RBFOX3: variants seen among roughly 807,000 people sequenced by gnomAD.
RBFOX3 encodes the protein RNA binding protein fox-1 homolog 3.
RBFOX3 carries 17 observed loss-of-function variants against 48.7 expected under a neutral mutation model. The ratio of observed to expected loss-of-function variants is 0.35; its 90% confidence interval spans 0.24 to 0.52. The LOEUF (loss-of-function observed/expected upper bound fraction) is 0.52, where lower values mean the gene tolerates loss of function less well. RBFOX3 is among the 20% of genes least tolerant of loss of function. RBFOX3 has a pLI of 0.94. For missense variants in RBFOX3, 382 were observed against 497.5 expected (o/e 0.77, Z 2.21); for synonymous variants, 212 against 209.5 (o/e 1.01, Z -0.10).
chr17:79,146,271 A>G (rs2043020872), intron 4 of RBFOX3, among the ~76,000 whole-genome samples: 1 of 152,182 alleles, frequency 6.6e-6, no homozygotes, highest in African/African-American at 2.4e-5. Flanking sequence ...CAGGGAGGCC[A>G]GAGATGCTGC....
At chr17:79,369,101 G>A (rs922817772) in intron 2 of RBFOX3, among the ~76,000 whole-genome samples, 1 of 152,166 alleles carries the variant, frequency 6.6e-6, no homozygotes, top group African/African-American at 2.4e-5. Flanking sequence ...CATCTGCTCT[G>A]AGCTGTCTCA....
chr17:79,398,824 C>T (rs1299591688), intron 2 of RBFOX3, among the ~76,000 whole-genome samples: 1 of 152,164 alleles, frequency 6.6e-6, no homozygotes, highest in Admixed American at 6.5e-5. Flanking sequence ...GCCCACCCAA[C>T]ACACACAGTG....
At chr17:79,542,676 C>T (rs970827234) in intron 1 of RBFOX3, among the ~76,000 whole-genome samples, 2 of 152,130 alleles carry the variant, frequency 1.3e-5, no homozygotes, top group African/African-American at 4.8e-5. Flanking sequence ...TCCAGCTACT[C>T]GGAGGCTGAG....
At chr17:79,143,239 C>T (rs887128542) in intron 4 of RBFOX3, among the ~76,000 whole-genome samples, 12 of 152,136 alleles carry the variant, frequency 7.9e-5, no homozygotes, top group Admixed American at 2.6e-4. Context: ...GCCAGCTCGC[C>T]CGAGTCCACC....
intron 4 of RBFOX3, among the ~76,000 whole-genome samples, chr17:79,131,344 C>T (rs564368145): frequency 8.5e-5 from 13 of 152,362 alleles, no homozygotes; most frequent in East Asian, 7.7e-4. Context: ...AGCGCTAGAG[C>T]GTCTGTGCTT....
chr17:79,173,578 G>A (rs1344902736), intron 4 of RBFOX3, among the ~76,000 whole-genome samples: 12 of 152,088 alleles, frequency 7.9e-5, no homozygotes, highest in Non-Finnish European at 1.5e-4. Context: ...TGATCTTCCC[G>A]GTCAACCTTC....
At position 79,592,497 on chromosome 17, in the gene RBFOX3, GT is replaced by G. The variant is rs1286127711; in HGVS notation, c.-320+18328del. Among the ~76,000 whole-genome samples, 5 of 152,176 alleles carry G rather than the reference GT, an allele frequency of 3.3e-5. No homozygotes were observed. In the South Asian group the frequency reaches 1.0e-3, roughly 32 times the overall value. On this transcript the variant is annotated intron_variant, in intron 1 of 14. Transcript: ENST00000693108. ...GTGCATGTGTACGTGCGTTTATGCA[GT>G]GTTATTGAACAGGTCACCCTGTGGG...
At position 79,491,360 on chromosome 17, in the gene RBFOX3, A is replaced by G. The variant is rs947556246; in HGVS notation, c.-319-8762T>C. ...GAACACCATGCCAAGGACTTTAAAA[A>G]GCCATTTGAGGAATTTTAAGTAGGA... On this transcript the variant is annotated intron_variant, in intron 1 of 14. Transcript: ENST00000693108. 1.1e-4 allele frequency among the ~76,000 whole-genome samples: 17 copies of G among 152,116 alleles called. No homozygotes were observed. The South Asian group carries it at 3.5e-3, about 32-fold the overall frequency.
At chr17:79,525,869 A>G (rs2086728943) in intron 1 of RBFOX3, among the ~76,000 whole-genome samples, 1 of 152,248 alleles carries the variant, frequency 6.6e-6, no homozygotes, top group Middle Eastern at 3.2e-3. Flanking sequence ...TCCCCCAGCC[A>G]GGATGGGAAT....
intron 2 of RBFOX3, among the ~76,000 whole-genome samples, chr17:79,323,603 C>A (rs1185492131): frequency 6.6e-6 from 1 of 152,252 alleles, no homozygotes; most frequent in Non-Finnish European, 1.5e-5. Flanking sequence ...GCCCACCCAG[C>A]TGGACCTCCT....
In RBFOX3 at chr17:79,229,620, C is replaced by G. The variant is rs374466700; in HGVS notation, c.-34+6146G>C. Among the ~76,000 whole-genome samples the G allele has an allele frequency of 7.6e-4, 115 of 151,034 alleles. No homozygotes were observed. In the South Asian group the frequency reaches 0.018, roughly 24 times the overall value. On this transcript the variant is annotated intron_variant, in intron 4 of 14. Transcript: ENST00000693108. ...CAAGTGGGCCAGGAAGGGTGGAGTC[C>G]TCTGCATCTCCCACTGGTCAGAGAG...
rs188223785 is a variant in RBFOX3 at position 79,098,836 on chromosome 17, A to G, written c.569-1091T>C. 2.0e-3 allele frequency: 308 copies of G among 152,472 alleles called. 1 individual carries two copies. The highest frequency in any genetic ancestry group is 3.0e-3 in the Non-Finnish European group (204 of 68,170). 9.4% of individuals were successfully genotyped at this position (152,472 alleles called of 1,614,324 possible). A position where few individuals can be genotyped will look rare whatever the true frequency, so the allele number is the denominator to read the frequency against. On this transcript the variant is annotated intron_variant, in intron 9 of 14. Coordinates refer to ENST00000693108, the MANE Select transcript of RBFOX3 (RefSeq NM_001350451.2). ...TGTCCCTTTGCACTGGGTGGGGAGG[A>G]ACAGCAGGGACGAGAGCCCACTGGC... is the stretch of plus-strand genomic sequence containing the variant.
At chr17:79,513,906 A>G (rs1001942196) in intron 1 of RBFOX3, among the ~76,000 whole-genome samples, 7,604 of 151,962 alleles carry the variant, frequency 0.05, 399 homozygotes, top group African/African-American at 0.13. Flanking sequence ...TAGCCAGCTC[A>G]CCCCTGCTTC....
chr17:79,335,359 A>T (rs958896177), intron 2 of RBFOX3, among the ~76,000 whole-genome samples: 1 of 152,242 alleles, frequency 6.6e-6, no homozygotes, highest in Non-Finnish European at 1.5e-5. Context: ...ATGAAACATC[A>T]TGTAAGTGTA....
At chr17:79,650,493 G>A in the RBFOX3 span, among the ~76,000 whole-genome samples, 5 of 152,000 alleles carry the variant, frequency 3.3e-5, no homozygotes, top group Admixed American at 6.6e-5. Context: ...CCTCATTGCA[G>A]CCACGCCGCT....
At chr17:79,424,465 G>A (rs1397129226) in intron 2 of RBFOX3, among the ~76,000 whole-genome samples, 6 of 152,150 alleles carry the variant, frequency 3.9e-5, no homozygotes, top group African/African-American at 1.2e-4. Flanking sequence ...CTGAGCTCTC[G>A]ACTCTCAGCA....
At chr17:79,128,588 G>A (rs982343927) in intron 4 of RBFOX3, among the ~76,000 whole-genome samples, 5 of 152,184 alleles carry the variant, frequency 3.3e-5, no homozygotes, top group Non-Finnish European at 7.3e-5. Flanking sequence ...CTGTGGTTCC[G>A]GCTGGACTGG....
rs146909762 is a variant in RBFOX3, at chr17:79,326,200, C to T, written c.-174-18376G>A. Among the ~76,000 whole-genome samples the T allele has an allele frequency of 3.2e-3, 493 of 152,280 alleles. 5 individuals carry two copies. Among genetic ancestry groups the T allele is most frequent in the African/African-American group, 9.6e-3 (397 of 41,560 alleles). On this transcript the variant is annotated intron_variant, in intron 2 of 14. Transcript: ENST00000693108. ...GGATGGGGGTGGATGGTGGTGGGCCCCTCCACCTGCCAAAGCAGGCTTCCC... is the reference window on the plus strand; with the variant it reads ...GGATGGGGGTGGATGGTGGTGGGCCTCTCCACCTGCCAAAGCAGGCTTCCC...
At chr17:79,606,743 A>G (rs887787144) in intron 1 of RBFOX3, among the ~76,000 whole-genome samples, 38 of 152,310 alleles carry the variant, frequency 2.5e-4, no homozygotes, top group Admixed American at 2.5e-3. Flanking sequence ...CCCGCCGGGT[A>G]TGCACAGCAT....
Sources: allele counts gnomAD v4.1 joint callset (sites outside exome capture counted in the v4.1 genomes callset), GRCh38; gene constraint gnomAD v4.1.1; transcripts MANE v1.5; gene names NCBI Gene and HGNC (gene_info 2026-07-23, HGNC 2026-07-21).